DLG2: variants seen among roughly 807,000 people sequenced by gnomAD.
DLG2 encodes the protein disks large homolog 2.
Under a neutral mutation model 132.5 loss-of-function variants are expected in DLG2, and 45 were observed. The observed-to-expected ratio is 0.34, with a 90% CI of 0.27 to 0.44. The LOEUF (loss-of-function observed/expected upper bound fraction) is 0.44. Ranked by LOEUF, DLG2 falls within the 20% of genes least tolerant of loss-of-function variation. The probability of loss-of-function intolerance (pLI) is 1.00; values close to 1 mark genes in which losing one functional copy is unlikely to be tolerated. For missense variants in DLG2, 1,045 were observed against 1,196.9 expected, an observed-to-expected ratio of 0.87 and a Z score of 1.87; for synonymous variants, 424 against 419.6, an observed-to-expected ratio of 1.01 and a Z score of -0.13.
chr11:85,606,820 T>C (rs1301058607), intron 2 of DLG2, among the ~76,000 whole-genome samples: 2 of 151,786 alleles, frequency 1.3e-5, no homozygotes, highest in African/African-American at 2.4e-5. Context: ...CTTTAAGAGC[T>C]GTAACACTCA....
chr11:84,645,471 A>C (rs1481259372), intron 6 of DLG2, among the ~76,000 whole-genome samples: 2 of 151,862 alleles, frequency 1.3e-5, no homozygotes, highest in African/African-American at 4.8e-5. Flanking sequence ...ATCTTTATTT[A>C]TTTATTTATT....
intron 9 of DLG2, among the ~76,000 whole-genome samples, chr11:84,134,241 G>A (rs532778220): frequency 6.6e-6 from 1 of 152,170 alleles, no homozygotes; most frequent in East Asian, 1.9e-4. Flanking sequence ...GATCCAATCA[G>A]AAACTTAGGT....
At chr11:85,102,297 T>G (rs966326106) in intron 6 of DLG2, among the ~76,000 whole-genome samples, 1 of 152,044 alleles carries the variant, frequency 6.6e-6, no homozygotes, top group Non-Finnish European at 1.5e-5. Context: ...TTTCCTCATC[T>G]GTCAAACAAG....
rs182562715 is a variant in DLG2 at position 84,136,648 on chromosome 11, T to A, written c.624+26813A>T. ...AGGACGTGACTGGCTAGAACTGAGATTTTTAAACAAAATATGACCGTAAAC... is the reference window on the plus strand; with the variant it reads ...AGGACGTGACTGGCTAGAACTGAGAATTTTAAACAAAATATGACCGTAAAC... On this transcript the variant is annotated intron_variant, in intron 9 of 27. Transcript: ENST00000376104. 6.0e-4 allele frequency among the ~76,000 whole-genome samples: 91 copies of A among 152,246 alleles called. 2 individuals carry two copies. The East Asian group carries it at 0.016, about 27-fold the overall frequency.
chr11:85,521,856 G>C (rs2074337688), intron 3 of DLG2, among the ~76,000 whole-genome samples: 1 of 152,040 alleles, frequency 6.6e-6, no homozygotes, highest in African/African-American at 2.4e-5. Context: ...TAGGATATCT[G>C]GCAGAACACA....
chr11:84,295,646 T>C (rs2098080207), intron 7 of DLG2, among the ~76,000 whole-genome samples: 1 of 152,216 alleles, frequency 6.6e-6, no homozygotes, highest in African/African-American at 2.4e-5. Context: ...GCGAGTTCAC[T>C]AGGGTGATTC....
rs201387472 is a variant in DLG2 at position 84,690,881 on chromosome 11, G to C, written c.358-156150C>G. 7.2e-5 allele frequency among the ~76,000 whole-genome samples: 11 copies of C among 151,864 alleles called. No homozygotes were observed. The East Asian group carries it at 1.7e-3, about 24-fold the overall frequency. Reference sequence around the variant, plus strand: ...TACTCAGTGGCAATCAAAATAAATGGAATTGATAAGTGCCAGTGTAATTGT... The same window carrying C: ...TACTCAGTGGCAATCAAAATAAATGCAATTGATAAGTGCCAGTGTAATTGT... On this transcript the variant is annotated intron_variant, in intron 6 of 27. Coordinates refer to ENST00000376104, the MANE Select transcript of DLG2 (RefSeq NM_001142699.3).
chr11:84,017,781 C>T (rs899903982), intron 11 of DLG2, among the ~76,000 whole-genome samples: 3 of 151,976 alleles, frequency 2.0e-5, no homozygotes, highest in Admixed American at 1.3e-4. Flanking sequence ...ACAATAATTA[C>T]AACACTTAAA....
intron 6 of DLG2, among the ~76,000 whole-genome samples, chr11:84,615,976 T>C (rs1439720058): frequency 6.6e-6 from 1 of 151,990 alleles, no homozygotes; most frequent in Non-Finnish European, 1.5e-5. Context: ...TTCATGTTCT[T>C]ATGGAATTTA....
intron 18 of DLG2, among the ~76,000 whole-genome samples, chr11:83,735,997 T>A (rs1255089009): frequency 6.6e-6 from 1 of 152,226 alleles, no homozygotes; most frequent in Non-Finnish European, 1.5e-5. Context: ...CATAAATGTG[T>A]GCTTAGTTGC....
chr11:83,474,682 A>T (rs1468356691), intron 22 of DLG2, among the ~76,000 whole-genome samples: 1 of 152,122 alleles, frequency 6.6e-6, no homozygotes, highest in Non-Finnish European at 1.5e-5. Context: ...AGATGTCAAC[A>T]AATTTGCATT....
chr11:83,980,479 A>C (rs2092687910), intron 12 of DLG2, 27 bp downstream of exon 12: 2 of 1,600,074 alleles, frequency 1.2e-6, no homozygotes, highest in Non-Finnish European at 1.7e-6. Context: ...ATAAATATAC[A>C]CACAGTTTTG....
chr11:85,341,285 A>AT (rs932943918), intron 3 of DLG2, among the ~76,000 whole-genome samples: 2 of 151,700 alleles, frequency 1.3e-5, no homozygotes, highest in Non-Finnish European at 1.5e-5. Flanking sequence ...TGCCTGGCTA[A>AT]TTTTTTTTGT....
intron 19 of DLG2, among the ~76,000 whole-genome samples, chr11:83,587,877 GA>G (rs2097115457): frequency 6.6e-6 from 1 of 152,206 alleles, no homozygotes; most frequent in Non-Finnish European, 1.5e-5. Context: ...GGAAAGGGGT[GA>G]CGGACGGCAC....
At chr11:83,912,131 CAA>C (rs761346076) in intron 15 of DLG2, among the ~76,000 whole-genome samples, 2 of 147,224 alleles carry the variant, frequency 1.4e-5, no homozygotes, top group Admixed American at 6.9e-5. Context: ...AAAAAGAAAA[CAA>C]AGAAAAAAAT....
intron 9 of DLG2, among the ~76,000 whole-genome samples, chr11:84,110,275 G>A (rs538218432): frequency 6.6e-6 from 1 of 152,224 alleles, no homozygotes; most frequent in Non-Finnish European, 1.5e-5. Flanking sequence ...GCGATAACCT[G>A]CCATTCAGCT....
chr11:84,214,354 T>C (rs1394255965), intron 8 of DLG2, among the ~76,000 whole-genome samples: 4 of 149,866 alleles, frequency 2.7e-5, no homozygotes, highest in African/African-American at 9.8e-5. Flanking sequence ...CATATGTATA[T>C]GTTTATATAC....
intron 24 of DLG2, among the ~76,000 whole-genome samples, chr11:83,470,400 A>T (rs1290243241): frequency 2.6e-5 from 4 of 152,164 alleles, no homozygotes; most frequent in Non-Finnish European, 4.4e-5. Context: ...GTATACTTCT[A>T]ATTTTCTCGT....
At chr11:85,585,081 C>G (rs547493884) in intron 3 of DLG2, among the ~76,000 whole-genome samples, 1 of 152,298 alleles carries the variant, frequency 6.6e-6, no homozygotes, top group Admixed American at 6.5e-5. Context: ...TTGCCTAAGC[C>G]AATGTCTAGA....
Sources: allele counts gnomAD v4.1 joint callset (sites outside exome capture counted in the v4.1 genomes callset), GRCh38; gene constraint gnomAD v4.1.1; transcripts MANE v1.5; gene names NCBI Gene and HGNC (gene_info 2026-07-23, HGNC 2026-07-21).